CNTN6: variants seen among roughly 807,000 people sequenced by gnomAD.
The protein encoded by CNTN6 is contactin 6.
CNTN6 carries 137 observed loss-of-function variants against 122.8 expected under a neutral mutation model. The ratio of observed to expected loss-of-function variants is 1.12; its 90% CI spans 0.97 to 1.29. CNTN6 has a LOEUF of 1.29. Among genes scored for constraint, CNTN6 ranks in the 50% most tolerant of loss-of-function variants. CNTN6 has a pLI of 0.00. For synonymous variants in CNTN6, 570 were observed against 426.0 expected, an observed-to-expected ratio of 1.34 and a Z score of -4.16; for missense variants, 1,634 against 1,223.4, an observed-to-expected ratio of 1.34 and a Z score of -5.01.
At chr3:1,104,461 A>G (rs2091119237) in intron 1 of CNTN6, among the ~76,000 whole-genome samples, 1 of 152,150 alleles carries the variant, frequency 6.6e-6, no homozygotes, top group Non-Finnish European at 1.5e-5. Flanking sequence ...CTTTCCCTGA[A>G]AGGTATTCAT....
chr3:1,129,152 A>G (rs1465793302), intron 1 of CNTN6, among the ~76,000 whole-genome samples: 1 of 152,084 alleles, frequency 6.6e-6, no homozygotes, highest in Non-Finnish European at 1.5e-5. Flanking sequence ...GAATTTAATC[A>G]ATCTTGAGAG....
chr3:1,202,424 C>T (rs2093890947), intron 2 of CNTN6, among the ~76,000 whole-genome samples: 1 of 151,956 alleles, frequency 6.6e-6, no homozygotes, highest in African/African-American at 2.4e-5. Flanking sequence ...CCTGTAGTCC[C>T]AGCTACTCGG....
Position 1,285,868 on chromosome 3 carries a change from G to A in CNTN6, c.454+7360G>A, listed in dbSNP as rs370848160. ...AGTTCTTTACTCTACTGGAGACTATGTAAACAACACACAGAGAGGTCTACT... is the reference window on the plus strand; with the variant it reads ...AGTTCTTTACTCTACTGGAGACTATATAAACAACACACAGAGAGGTCTACT... On this transcript the variant is annotated intron_variant, in intron 5 of 22. Transcript: ENST00000446702. Among the ~76,000 whole-genome samples, 122 of 152,300 alleles carry A rather than the reference G, an allele frequency of 8.0e-4. 2 individuals are homozygous for A. The highest frequency in any genetic ancestry group is 2.7e-3 in the African/African-American group (114 of 41,556).
intron 2 of CNTN6, among the ~76,000 whole-genome samples, chr3:1,209,625 A>G (rs1266861790): frequency 6.6e-6 from 1 of 152,062 alleles, no homozygotes; most frequent in Non-Finnish European, 1.5e-5. Context: ...TTACAATGAA[A>G]ATTTATTTTT....
chr3:1,152,340 T>C (rs1176016640), intron 2 of CNTN6, among the ~76,000 whole-genome samples: 2 of 152,126 alleles, frequency 1.3e-5, no homozygotes, highest in Non-Finnish European at 2.9e-5. Context: ...GGTTTCACCA[T>C]GTTGCCCAGG....
In CNTN6 at chr3:1,278,489, C is replaced by A. The variant is rs1465655979; in HGVS notation, c.435C>A (p.Gly145=). 6.2e-6 allele frequency: 10 copies of A among 1,611,306 alleles called. No individual in the cohort carries two copies. Among genetic ancestry groups the A allele is most frequent in the Non-Finnish European group, 8.5e-6 (10 of 1,178,112 alleles). The change falls in exon 5 of 23, where the codon GGC becomes GGA. Residue 145 remains glycine (G), a synonymous_variant. Coordinates refer to ENST00000446702, the MANE Select transcript of CNTN6 (RefSeq NM_001289080.2). The part of the protein sequence containing the change: ...REGQGVVLLC[G]PPPHFGDLSY... ...GTCAAGGTGTGGTGCTTCTCTGTGGCCCACCGCCACATTTTGGAGGTATGA... is the reference window on the plus strand; with the variant it reads ...GTCAAGGTGTGGTGCTTCTCTGTGGACCACCGCCACATTTTGGAGGTATGA...
chr3:1,245,308 ATATATAT>A (rs1559597818), intron 4 of CNTN6, among the ~76,000 whole-genome samples: 3 of 15,662 alleles, frequency 1.9e-4, no homozygotes, highest in African/African-American at 9.8e-4. Flanking sequence ...ATATATATAT[ATATATAT>A]ATATATATAT....
chr3:1,371,047 ATTAC>A (rs2126134900), intron 12 of CNTN6, among the ~76,000 whole-genome samples: 1 of 152,232 alleles, frequency 6.6e-6, no homozygotes, highest in East Asian at 1.9e-4. Flanking sequence ...ACCCCAAATT[ATTAC>A]TTCCTACTTT....
At chr3:1,353,730 C>G (rs1224731211) in intron 12 of CNTN6, among the ~76,000 whole-genome samples, 2 of 151,562 alleles carry the variant, frequency 1.3e-5, no homozygotes, top group African/African-American at 2.4e-5. Context: ...TTTATTATAT[C>G]ATTTCAAATT....
At chr3:1,260,735 G>C (rs746912169) in intron 4 of CNTN6, among the ~76,000 whole-genome samples, 1 of 151,920 alleles carries the variant, frequency 6.6e-6, no homozygotes, top group Non-Finnish European at 1.5e-5. Context: ...GAGTTCTCAC[G>C]AGATCTGATA....
intron 4 of CNTN6, among the ~76,000 whole-genome samples, chr3:1,274,457 T>C (rs1691948165): frequency 6.6e-6 from 1 of 152,174 alleles, no homozygotes; most frequent in South Asian, 2.1e-4. Context: ...TAGTTGAGGA[T>C]CAGTAGAGTT....
At chr3:1,159,885 G>A (rs113425072) in intron 2 of CNTN6, among the ~76,000 whole-genome samples, 26,507 of 151,618 alleles carry the variant, frequency 0.17, 2,831 homozygotes, top group East Asian at 0.31. Flanking sequence ...CAGTGGCGCG[G>A]TCTCAGCTCA....
chr3:1,290,665 C>G (rs540048229), intron 5 of CNTN6, among the ~76,000 whole-genome samples: 20 of 152,302 alleles, frequency 1.3e-4, no homozygotes, highest in African/African-American at 4.8e-4. Context: ...ATAGACATAG[C>G]AGCCCTGAGG....
intron 1 of CNTN6, among the ~76,000 whole-genome samples, chr3:1,094,537 A>T (rs2090419001): frequency 6.6e-6 from 1 of 152,186 alleles, no homozygotes; most frequent in African/African-American, 2.4e-5. Context: ...CAAAAAAGTC[A>T]ATCATTTATA....
At chr3:1,139,671 C>A (rs2092564681) in intron 1 of CNTN6, among the ~76,000 whole-genome samples, 1 of 152,120 alleles carries the variant, frequency 6.6e-6, no homozygotes, top group Non-Finnish European at 1.5e-5. Context: ...GATTCTGGGG[C>A]AAACCCCAGA....
intron 7 of CNTN6, among the ~76,000 whole-genome samples, chr3:1,300,442 G>GTCAGT (rs1172826828): frequency 4.5e-5 from 6 of 133,318 alleles, no homozygotes; most frequent in African/African-American, 1.4e-4. Flanking sequence ...AGCAATTAGG[G>GTCAGT]TCAGTTCAGG....
chr3:1,241,991 T>C (rs57641530), intron 4 of CNTN6, among the ~76,000 whole-genome samples: 30,902 of 140,798 alleles, frequency 0.22, 4,145 homozygotes, highest in African/African-American at 0.4. Flanking sequence ...ATTCCGACCA[T>C]GCTAACCATG....
intron 2 of CNTN6, among the ~76,000 whole-genome samples, chr3:1,169,954 G>A (rs2093329516): frequency 6.6e-6 from 1 of 152,028 alleles, no homozygotes; most frequent in African/African-American, 2.4e-5. Flanking sequence ...GAATACTTTC[G>A]CCGGTTGCGG....
chr3:1,135,243 G>C (rs1432250204), intron 1 of CNTN6, among the ~76,000 whole-genome samples: 1 of 151,966 alleles, frequency 6.6e-6, no homozygotes, highest in Admixed American at 6.6e-5. Context: ...CTTTTGCAGA[G>C]AAATTTCCCA....
Sources: allele counts gnomAD v4.1 joint callset (sites outside exome capture counted in the v4.1 genomes callset), GRCh38; gene constraint gnomAD v4.1.1; transcripts MANE v1.5; gene names NCBI Gene and HGNC (gene_info 2026-07-23, HGNC 2026-07-21).